The following ENTPD5 variants were observed in gnomAD, a reference collection of about 807,000 sequenced individuals.
The protein encoded by ENTPD5 is ectonucleoside triphosphate diphosphohydrolase 5 (inactive), also known as nucleoside diphosphate phosphatase ENTPD5.
A neutral mutation model predicts 60.2 loss-of-function variants in ENTPD5; 49 were observed. That is an observed-to-expected ratio of 0.81 (90% CI 0.65 to 1.03). ENTPD5 has a LOEUF of 1.03. Ranked by LOEUF, ENTPD5 falls within the 50% of genes least tolerant of loss-of-function variation. The probability of loss-of-function intolerance (pLI) is 0.00; values close to 1 mark genes in which losing one functional copy is unlikely to be tolerated. For missense variants in ENTPD5, 480 were observed against 507.6 expected (o/e 0.95, Z 0.52); for synonymous variants, 187 against 185.4 (o/e 1.01, Z -0.07).
intron 3 of ENTPD5, among the ~76,000 whole-genome samples, chr14:74,000,322 T>C (rs2140775512): frequency 6.6e-6 from 1 of 151,550 alleles, no homozygotes; most frequent in South Asian, 2.1e-4. Flanking sequence ...TCAGGCATGG[T>C]GGAATGCACC....
chr14:73,991,023 T>G (rs954905661), intron 3 of ENTPD5, among the ~76,000 whole-genome samples: 3 of 152,066 alleles, frequency 2.0e-5, no homozygotes, highest in African/African-American at 7.2e-5. Flanking sequence ...AGTGAGACTG[T>G]GTCTCAAAAC....
chr14:73,979,388 G>T (rs2057578265), intron 6 of ENTPD5, among the ~76,000 whole-genome samples: 1 of 151,936 alleles, frequency 6.6e-6, no homozygotes, highest in African/African-American at 2.4e-5. Flanking sequence ...GTAAGCTACA[G>T]GAGTGCAAAG....
chr14:73,976,438 T>C (rs1298733741), intron 8 of ENTPD5, 26 bp from the exon 9 acceptor site: 3 of 1,590,156 alleles, frequency 1.9e-6, no homozygotes, highest in East Asian at 4.5e-5. Flanking sequence ...CAGCTCTAAA[T>C]AGCCTCGACA....
At chr14:73,963,198 C>G (rs1315897819), downstream of ENTPD5, 2 of 613,842 alleles carry the variant, frequency 3.3e-6, no homozygotes, top group Admixed American at 6.3e-5. Flanking sequence ...TTAGCCAGAC[C>G]AAAGGAAAAA....
At chr14:74,005,664 T>G (rs967533497) in intron 3 of ENTPD5, among the ~76,000 whole-genome samples, 6 of 151,020 alleles carry the variant, frequency 4.0e-5, no homozygotes, top group Admixed American at 3.3e-4. Flanking sequence ...AAAAATTAGC[T>G]GGGTGTGTGG....
chr14:73,981,288 C>T (rs1423121664), intron 6 of ENTPD5, among the ~76,000 whole-genome samples: 3 of 151,790 alleles, frequency 2.0e-5, no homozygotes, highest in Non-Finnish European at 4.4e-5. Flanking sequence ...AGTTTGAGGC[C>T]AGGAGTTTGA....
intron 5 of ENTPD5, 76 bp downstream of exon 5, chr14:73,986,738 G>T: frequency 9.9e-7 from 1 of 1,007,100 alleles, no homozygotes; most frequent in Non-Finnish European, 1.6e-6. Flanking sequence ...TGAATAGCAT[G>T]AAATATTTAA....
At chr14:73,958,031 C>T, downstream of ENTPD5, 2 of 849,234 alleles carry the variant, frequency 2.4e-6, no homozygotes, top group Non-Finnish European at 4.1e-6. Flanking sequence ...TTTTTTTAAT[C>T]TTAAATGACA....
Position 73,975,970 on chromosome 14 carries a change from T to A in ENTPD5, c.688A>T (p.Met230Leu), listed in dbSNP as rs781038043. 1 of 1,613,732 alleles carries A rather than the reference T, an allele frequency of 6.2e-7. No homozygotes were observed. Among genetic ancestry groups the A allele is most frequent in the South Asian group, 1.1e-5 (1 of 91,086 alleles). ...TAGAGCTTATAAGTGCTGTTAAACA[T>A]CTCAAAGGAAGTGAGGTAGCCCCTA... is the stretch of plus-strand genomic sequence containing the variant. ...TPRGYLTSFE[M>L]FNSTYKLYTH... is the part of the protein sequence containing the mutation. Residue 230 changes from methionine to leucine, a missense_variant, in exon 10 of 16, where the codon ATG becomes TTG. By Grantham distance (15) the Met-to-Leu change is conservative. Coordinates refer to ENST00000334696, the MANE Select transcript of ENTPD5 (RefSeq NM_001249.5).
chr14:73,960,416 A>G, downstream of ENTPD5: 1 of 988,240 alleles, frequency 1.0e-6, no homozygotes, highest in Non-Finnish European at 1.2e-6. Context: ...TGGAGCCTAA[A>G]TGACACTCAA....
rs573458048 is a variant in ENTPD5 at position 73,975,987 on chromosome 14, T to C, written c.671A>G (p.Tyr224Cys). 9.9e-5 allele frequency: 160 copies of C among 1,613,622 alleles called. 4 individuals carry two copies. In the South Asian group the frequency reaches 1.3e-3, roughly 13 times the overall value. The change falls in exon 10 of 16, where the codon TAC (tyrosine) becomes TGC (cysteine). Residue 224 changes from tyrosine (Y) to cysteine (C), a missense_variant. By Grantham distance (194) the Tyr-to-Cys change is radical. Transcript: ENST00000334696. ...EKTLEQTPRG[Y>C]LTSFEMFNST... is the part of the protein sequence containing the mutation. Reference sequence around the variant, plus strand: ...GTTAAACATCTCAAAGGAAGTGAGGTAGCCCCTAGGAGTTTGTTCCAGAGT... The same window carrying C: ...GTTAAACATCTCAAAGGAAGTGAGGCAGCCCCTAGGAGTTTGTTCCAGAGT...
At chr14:73,989,650 A>G (rs1298983486) in intron 3 of ENTPD5, among the ~76,000 whole-genome samples, 1 of 151,980 alleles carries the variant, frequency 6.6e-6, no homozygotes, top group East Asian at 1.9e-4. Context: ...CCTGGCCAAC[A>G]TGGTGAAACC....
At chr14:74,010,017 C>G (rs555261439) in intron 3 of ENTPD5, among the ~76,000 whole-genome samples, 2 of 152,142 alleles carry the variant, frequency 1.3e-5, no homozygotes, top group Non-Finnish European at 2.9e-5. Flanking sequence ...GTCTCGATCT[C>G]CTGATCTCGT....
At chr14:73,967,103 T>C in intron 15 of ENTPD5, 89 bp from the exon 16 acceptor site, 1 of 1,110,544 alleles carries the variant, frequency 9.0e-7, no homozygotes, top group East Asian at 2.4e-5. Context: ...TGGCAAAGAA[T>C]ATCCACATGG....
downstream of ENTPD5, chr14:73,956,157 T>C (rs1340187361): frequency 2.3e-6 from 1 of 444,034 alleles, no homozygotes; most frequent in Non-Finnish European, 4.2e-6. Flanking sequence ...ACCCTGTCTC[T>C]ACTAAAAATA....
chr14:73,976,350 G>A lies in ENTPD5; in HGVS notation c.616C>T (p.Gln206Ter). The change falls in exon 9 of 16, where the codon CAA (glutamine) becomes TAA (stop). Residue 206 changes from glutamine to a stop codon, truncating the protein, a stop_gained. Coordinates refer to ENST00000334696, the MANE Select transcript of ENTPD5 (RefSeq NM_001249.5). LOFTEE classifies it high-confidence loss of function. ...TCAAACTGGGGCAGGAACGTGATTT[G>A]GGTGGAGGCTCCCCCTAGGTCCAAG... The part of the protein sequence containing the change: ...GTLDLGGAST[Q>*]ITFLPQFEKT... 6.2e-7 allele frequency: 1 copy of A among 1,614,132 alleles called. No homozygotes were observed. Among genetic ancestry groups the A allele is most frequent in the Non-Finnish European group, 8.5e-7 (1 of 1,180,002 alleles).
rs542711298 is a variant in ENTPD5 at position 73,981,103 on chromosome 14, A to AAAAT, written c.441+1911_441+1914dup. On this transcript the variant is annotated intron_variant, in intron 6 of 15. Transcript: ENST00000334696. The stretch of plus-strand genomic sequence containing the variant: ...GACAGAGCAAGTCTCCGCCTCTCAA[A>AAAAT]AAATAAATAAATAAATAAATAAATA... 7.8e-3 allele frequency among the ~76,000 whole-genome samples: 1,187 copies of AAAAT among 151,984 alleles called. 12 individuals carry two copies. Among genetic ancestry groups the AAAAT allele is most frequent in the African/African-American group, 0.026 (1,072 of 41,446 alleles).
chr14:73,968,294 C>A (rs1172013143), intron 15 of ENTPD5, among the ~76,000 whole-genome samples: 1 of 152,200 alleles, frequency 6.6e-6, no homozygotes, highest in East Asian at 1.9e-4. Flanking sequence ...TTGTTTTCTT[C>A]AGAATTTTAG....
chr14:74,003,013 A>G (rs1014006798), intron 3 of ENTPD5, among the ~76,000 whole-genome samples: 3 of 152,084 alleles, frequency 2.0e-5, no homozygotes, highest in Non-Finnish European at 4.4e-5. Context: ...TTCTTTTCCT[A>G]TATATCCACT....
Sources: allele counts gnomAD v4.1 joint callset (sites outside exome capture counted in the v4.1 genomes callset), GRCh38; gene constraint gnomAD v4.1.1; transcripts MANE v1.5; gene names NCBI Gene and HGNC (gene_info 2026-07-23, HGNC 2026-07-21).